SPOCK1: variants seen among roughly 807,000 people sequenced by gnomAD.
SPOCK1 encodes SPARC (osteonectin), cwcv and kazal like domains proteoglycan 1.
A neutral mutation model predicts 55.3 loss-of-function variants in SPOCK1; 23 were observed. The ratio of observed to expected loss-of-function variants is 0.42; its 90% confidence interval spans 0.30 to 0.59. The LOEUF (loss-of-function observed/expected upper bound fraction) is 0.59, where lower values mean the gene tolerates loss of function less well. Among genes scored for constraint, SPOCK1 ranks in the 20% least tolerant of loss-of-function variants. The probability of loss-of-function intolerance (pLI) is 0.22; values close to 1 mark genes in which losing one functional copy is unlikely to be tolerated. For synonymous variants in SPOCK1, 226 were observed against 221.0 expected, an observed-to-expected ratio of 1.02 and a Z score of -0.20; for missense variants, 499 against 552.5, an observed-to-expected ratio of 0.90 and a Z score of 0.97.
chr5:137,457,476 C>G (rs761177600), intron 2 of SPOCK1, among the ~76,000 whole-genome samples: 28 of 149,414 alleles, frequency 1.9e-4, no homozygotes, highest in Non-Finnish European at 3.9e-4. Flanking sequence ...AATCATGGAG[C>G]CTTTCAAATC....
chr5:137,015,874 G>A (rs1183195674), intron 6 of SPOCK1, among the ~76,000 whole-genome samples: 4 of 152,120 alleles, frequency 2.6e-5, no homozygotes, highest in African/African-American at 9.7e-5. Context: ...CATTTTAAAA[G>A]GCTCTAGCAC....
chr5:137,061,757 T>A (rs958633062), intron 6 of SPOCK1, among the ~76,000 whole-genome samples: 1 of 15,038 alleles, frequency 6.6e-5, no homozygotes, highest in African/African-American at 2.5e-4. Context: ...AGGGGGCGGG[T>A]GGGAGGGCGT....
intron 3 of SPOCK1, among the ~76,000 whole-genome samples, chr5:137,177,873 G>T (rs1754887542): frequency 6.6e-6 from 1 of 152,094 alleles, no homozygotes; most frequent in Non-Finnish European, 1.5e-5. Context: ...TCCAAGTAGG[G>T]ACTGAGAAAT....
rs1004676816 is a variant in SPOCK1, at chr5:137,264,068, G to A, written c.232+2942C>T. Among the ~76,000 whole-genome samples, 7 of 151,974 alleles carry A rather than the reference G, an allele frequency of 4.6e-5. No individual in the cohort carries two copies. The East Asian group carries it at 1.4e-3, about 29-fold the overall frequency. On this transcript the variant is annotated intron_variant, in intron 3 of 10. Transcript: ENST00000394945. The stretch of plus-strand genomic sequence containing the variant: ...TTCTAACTATTCACCACACCAACAC[G>A]ACAATCAGAAGCTGCATGGGCATTT...
At chr5:137,023,091 C>G (rs1321780422) in intron 6 of SPOCK1, among the ~76,000 whole-genome samples, 1 of 152,332 alleles carries the variant, frequency 6.6e-6, no homozygotes, top group East Asian at 1.9e-4. Flanking sequence ...CTGCTTCTTG[C>G]TGTCTTTGTT....
intron 3 of SPOCK1, among the ~76,000 whole-genome samples, chr5:137,165,424 A>G (rs915569888): frequency 6.6e-6 from 1 of 152,204 alleles, no homozygotes; most frequent in African/African-American, 2.4e-5. Flanking sequence ...CAAATATCTG[A>G]AAAGCCTTCC....
At chr5:137,095,607 A>C (rs1257933788) in intron 5 of SPOCK1, among the ~76,000 whole-genome samples, 1 of 152,202 alleles carries the variant, frequency 6.6e-6, no homozygotes, top group African/African-American at 2.4e-5. Flanking sequence ...AAACTCCCAG[A>C]GTAGCACCTG....
chr5:137,140,576 T>C lies in SPOCK1; in HGVS notation c.347+4A>G, dbSNP rs1204662636. Reference sequence around the variant, plus strand: ...GCCCCCAGCCCCCGGCCTTCCTGCCTTACCTGGGGAGCAGGTGCTTGCGGC... The same window carrying C: ...GCCCCCAGCCCCCGGCCTTCCTGCCCTACCTGGGGAGCAGGTGCTTGCGGC... On this transcript the variant is annotated splice_donor_region_variant and intron_variant, in intron 4 of 10. Transcript: ENST00000394945. 6.2e-7 allele frequency: 1 copy of C among 1,611,626 alleles called. No individual in the cohort carries two copies. The highest frequency in any genetic ancestry group is 2.2e-5 in the East Asian group (1 of 44,814).
intron 6 of SPOCK1, among the ~76,000 whole-genome samples, chr5:137,018,477 C>A (rs1013051387): frequency 1.3e-5 from 2 of 152,130 alleles, no homozygotes; most frequent in African/African-American, 4.8e-5. Context: ...CCTCAGGTAT[C>A]TCATATAGTG....
intron 3 of SPOCK1, among the ~76,000 whole-genome samples, chr5:137,241,247 C>T (rs894062763): frequency 5.3e-5 from 8 of 152,140 alleles, no homozygotes; most frequent in African/African-American, 1.9e-4. Context: ...TAAATACAAA[C>T]ACATAACAAT....
chr5:137,395,967 C>A (rs1030460162), intron 2 of SPOCK1, among the ~76,000 whole-genome samples: 2 of 152,206 alleles, frequency 1.3e-5, no homozygotes, highest in Non-Finnish European at 1.5e-5. Context: ...CTAATGGCAC[C>A]CATTCGTAAC....
At chr5:137,411,436 G>C (rs549300217) in intron 2 of SPOCK1, among the ~76,000 whole-genome samples, 1 of 152,120 alleles carries the variant, frequency 6.6e-6, no homozygotes, top group African/African-American at 2.4e-5. Context: ...AATCACCAAG[G>C]ACCTTGTTGG....
intron 6 of SPOCK1, among the ~76,000 whole-genome samples, chr5:137,015,948 A>G (rs1751440664): frequency 6.6e-6 from 1 of 152,202 alleles, no homozygotes; most frequent in African/African-American, 2.4e-5. Context: ...AGCGTAGAGA[A>G]GTGTGGAGGA....
Position 137,140,609 on chromosome 5 carries a change from C to A in SPOCK1, c.318G>T (p.Leu106=). The change falls in exon 4 of 11, where the codon CTG becomes CTT. Residue 106 remains leucine (L), a synonymous_variant. Transcript: ENST00000394945. ...VCVTQDYQTA[L]CVSRKHLLPR... ...GGAGCAGGTGCTTGCGGCTGACACA[C>A]AGGGCGGTCTGGTAGTCCTGGGTCA... 1 of 1,613,842 alleles carries A rather than the reference C, an allele frequency of 6.2e-7. No homozygotes were observed. Among genetic ancestry groups the A allele is most frequent in the Non-Finnish European group, 8.5e-7 (1 of 1,179,944 alleles).
chr5:137,067,944 A>T, intron 5 of SPOCK1, 115 bp from the exon 6 acceptor site: 3 of 780,756 alleles, frequency 3.8e-6, no homozygotes, highest in East Asian at 5.0e-5. Context: ...AAGCAGGGAG[A>T]GGTCGACCTC....
chr5:136,995,123 C>T (rs1199614523), intron 6 of SPOCK1, among the ~76,000 whole-genome samples: 1 of 152,186 alleles, frequency 6.6e-6, no homozygotes, highest in African/African-American at 2.4e-5. Flanking sequence ...ATCTTCCCAC[C>T]GCAGCAGGGT....
chr5:137,062,874 T>C (rs1490024924), intron 6 of SPOCK1, among the ~76,000 whole-genome samples: 1 of 152,150 alleles, frequency 6.6e-6, no homozygotes, highest in African/African-American at 2.4e-5. Flanking sequence ...ACTGGCTTTA[T>C]GGAGATGAGA....
At chr5:137,125,147 G>A (rs1193360058) in intron 4 of SPOCK1, among the ~76,000 whole-genome samples, 1 of 152,190 alleles carries the variant, frequency 6.6e-6, no homozygotes, top group Non-Finnish European at 1.5e-5. Flanking sequence ...TCCATTAAGT[G>A]CACCAGCTTG....
At chr5:137,192,133 G>A (rs959835325) in intron 3 of SPOCK1, among the ~76,000 whole-genome samples, 7 of 150,396 alleles carry the variant, frequency 4.7e-5, no homozygotes, top group African/African-American at 1.7e-4. Flanking sequence ...AGCTACTCGG[G>A]AGGCTGAGGC....
Sources: allele counts gnomAD v4.1 joint callset (sites outside exome capture counted in the v4.1 genomes callset), GRCh38; gene constraint gnomAD v4.1.1; transcripts MANE v1.5; gene names NCBI Gene and HGNC (gene_info 2026-07-23, HGNC 2026-07-21).